Variants in OPRM1 observed in about 807,000 individuals in gnomAD.
The protein encoded by OPRM1 is mu-type opioid receptor.
A neutral mutation model predicts 31.8 loss-of-function variants in OPRM1; 27 were observed. The ratio of observed to expected loss-of-function variants is 0.85; its 90% CI spans 0.63 to 1.17. The LOEUF (loss-of-function observed/expected upper bound fraction) is 1.17, where lower values mean the gene tolerates loss of function less well. Ranked by LOEUF, OPRM1 falls within the 50% of genes most tolerant of loss-of-function variation. OPRM1 has a pLI of 0.00. For synonymous variants in OPRM1, 196 were observed against 189.9 expected (o/e 1.03, Z -0.26); for missense variants, 536 against 511.1 (o/e 1.05, Z -0.47).
At chr6:154,151,469 G>A (rs184768860) in intron 3 of OPRM1, among the ~76,000 whole-genome samples, 29 of 152,288 alleles carry the variant, frequency 1.9e-4, no homozygotes, top group East Asian at 7.7e-4. Context: ...TGTTGTGGCC[G>A]CCATGGTTGG....
At chr6:154,094,089 T>C (rs929201404) in intron 3 of OPRM1, 1 of 502,962 alleles carries the variant, frequency 2.0e-6, no homozygotes, top group Non-Finnish European at 3.4e-6. Flanking sequence ...ACTACTTGTT[T>C]GAAGTTTATA....
At position 154,086,974 on chromosome 6, in the gene OPRM1, GT is replaced by G. The variant is rs1340717176; in HGVS notation, c.291-2847del. 4.1e-6 allele frequency: 4 copies of G among 984,000 alleles called. No homozygotes were observed. The African/African-American group carries it at 7.0e-5, about 17-fold the overall frequency. 61.0% of individuals were successfully genotyped at this position (984,000 alleles called of 1,614,324 possible). On this transcript the variant is annotated intron_variant, in intron 1 of 3. Transcript: ENST00000330432. ...CAGTTTTAATTTTGCTTTTTTGTTGGTTTTTGTACTTTGGAGTATTTGTCTA... is the reference window on the plus strand; with the variant it reads ...CAGTTTTAATTTTGCTTTTTTGTTGGTTTTGTACTTTGGAGTATTTGTCTA...
chr6:154,035,425 C>T (rs2128390118), upstream of OPRM1, among the ~76,000 whole-genome samples: 1 of 152,230 alleles, frequency 6.6e-6, no homozygotes, highest in South Asian at 2.1e-4. Flanking sequence ...TTTGCATTCT[C>T]ATTAGCTATG....
At chr6:154,040,029 G>A (rs1352854615) in intron 1 of OPRM1, among the ~76,000 whole-genome samples, 195 bp downstream of exon 1, 1 of 152,050 alleles carries the variant, frequency 6.6e-6, no homozygotes, top group Non-Finnish European at 1.5e-5. Flanking sequence ...TTCTTCAACT[G>A]ATAAAGAAAG....
chr6:154,153,308 G>C (rs1798592124), intron 3 of OPRM1, among the ~76,000 whole-genome samples: 1 of 152,080 alleles, frequency 6.6e-6, no homozygotes, highest in African/African-American at 2.4e-5. Context: ...TAACAAAGGG[G>C]AATTTAGGCT....
In OPRM1 at chr6:154,099,329, A is replaced by AAGGG. The variant is rs1554274930; in HGVS notation, c.1164+7865_1164+7868dup. Among the ~76,000 whole-genome samples, 42 of 119,462 alleles carry AAGGG rather than the reference A, an allele frequency of 3.5e-4. 1 individual carries two copies. Among genetic ancestry groups the AAGGG allele is most frequent in the East Asian group, 5.6e-4 (2 of 3,598 alleles). The allele number at this position is 119,462 out of a possible 152,430, so 78.4% of individuals were successfully genotyped here. The stretch of plus-strand genomic sequence containing the variant: ...GAAGAAAGGAAGGAAGGAAGGAAGG[A>AAGGG]AGGGAGGGAGGAAGAGAGCGAGAGA... On this transcript the variant is annotated intron_variant, in intron 3 of 3. Coordinates refer to ENST00000330432, the MANE Select transcript of OPRM1 (RefSeq NM_000914.5).
chr6:154,024,609 C>T (rs1778578182), intron 1 of OPRM1, among the ~76,000 whole-genome samples: 1 of 147,886 alleles, frequency 6.8e-6, no homozygotes. Flanking sequence ...TTTTGTTTTC[C>T]TAATTCTTTA....
At chr6:154,145,799 C>T (rs1307790341) in intron 3 of OPRM1, among the ~76,000 whole-genome samples, 2 of 152,178 alleles carry the variant, frequency 1.3e-5, no homozygotes, top group Admixed American at 1.3e-4. Flanking sequence ...ATCAAATGAA[C>T]AGAGATAGAA....
At chr6:154,042,539 G>A (rs1460311878) in intron 1 of OPRM1, among the ~76,000 whole-genome samples, 2 of 152,022 alleles carry the variant, frequency 1.3e-5, no homozygotes, top group African/African-American at 4.8e-5. Context: ...GATGACTATG[G>A]CAACAACAAC....
At chr6:154,183,301 G>A (rs753588445) in intron 3 of OPRM1, among the ~76,000 whole-genome samples, 36 of 152,230 alleles carry the variant, frequency 2.4e-4, no homozygotes, top group African/African-American at 5.1e-4. Flanking sequence ...TCAAGATGGC[G>A]CTCTCATTCA....
chr6:154,164,754 G>C lies in OPRM1; in HGVS notation c.1164+73282G>C, dbSNP rs145432829. 3.6e-3 allele frequency among the ~76,000 whole-genome samples: 541 copies of C among 152,292 alleles called. 2 individuals are homozygous for C. The highest frequency in any genetic ancestry group is 0.012 in the African/African-American group (492 of 41,558). On this transcript the variant is annotated intron_variant, in intron 3 of 3. Coordinates refer to the OPRM1 transcript ENST00000337049. ...GTGACATAGGTCAGAGTAACTCAGA[G>C]AGAGTTTCAGTTGGACCCATTAATC...
At position 154,140,567 on chromosome 6, in the gene OPRM1, T is replaced by G. The variant is rs567545683; in HGVS notation, c.1164+49095T>G. Among the ~76,000 whole-genome samples the G allele has an allele frequency of 7.9e-5, 12 of 152,190 alleles. No individual in the cohort carries two copies. In the South Asian group the frequency reaches 1.0e-3, roughly 13 times the overall value. ...CTGGTCTCAAATTCCTGACTTCAGG[T>G]GATCCGCCCGCCTCAACCTCCCAAA... On this transcript the variant is annotated intron_variant, in intron 3 of 3. Transcript: ENST00000337049.
rs143525307 is a variant in OPRM1, at chr6:154,118,848, C to A, written c.*127C>A. On this transcript the variant is annotated 3_prime_UTR_variant, in exon 4 of 4. Coordinates refer to ENST00000330432, the MANE Select transcript of OPRM1 (RefSeq NM_000914.5). ...AAGTGCCTGCTTTTAGGTCATCCAACCTCTTTCCTCTCTGGCCACTCTGCT... is the reference window on the plus strand; with the variant it reads ...AAGTGCCTGCTTTTAGGTCATCCAAACTCTTTCCTCTCTGGCCACTCTGCT... The A allele has an allele frequency of 1.5e-4, 234 of 1,512,514 alleles. No homozygotes were observed. The African/African-American group carries it at 2.9e-3, about 19-fold the overall frequency. The allele number at this position is 1,512,514 out of a possible 1,614,324, so 93.7% of individuals were successfully genotyped here.
chr6:154,088,979 G>A (rs9479756), intron 1 of OPRM1, among the ~76,000 whole-genome samples: 15,391 of 152,058 alleles, frequency 0.1, 863 homozygotes, highest in African/African-American at 0.13. Flanking sequence ...TCCTGCTTGT[G>A]CTTTGAGATT....
chr6:154,075,457 T>TA (rs1787675589), intron 1 of OPRM1, among the ~76,000 whole-genome samples: 1 of 148,942 alleles, frequency 6.7e-6, no homozygotes, highest in South Asian at 2.1e-4. Flanking sequence ...AAGCACTTTT[T>TA]TTTTTTTTTT....
chr6:154,086,517 C>T, intron 1 of OPRM1: 5 of 940,316 alleles, frequency 5.3e-6, no homozygotes, highest in Non-Finnish European at 6.3e-6. Flanking sequence ...GGCTAGCATG[C>T]TAATTAACTA....
intron 3 of OPRM1, among the ~76,000 whole-genome samples, chr6:154,188,079 T>C (rs1035865340): frequency 3.3e-5 from 5 of 152,182 alleles, no homozygotes; most frequent in Non-Finnish European, 5.9e-5. Context: ...AGCAAAACCA[T>C]TATCATTTGT....
At chr6:154,148,483 A>ACCATG (rs750770213) in intron 3 of OPRM1, among the ~76,000 whole-genome samples, 136 of 152,328 alleles carry the variant, frequency 8.9e-4, no homozygotes, top group Admixed American at 3.0e-3. Context: ...CATCTCTGCC[A>ACCATG]CCATGTCTTC....
At chr6:154,063,277 G>C (rs984199170) in intron 1 of OPRM1, among the ~76,000 whole-genome samples, 2 of 151,776 alleles carry the variant, frequency 1.3e-5, no homozygotes, top group Non-Finnish European at 2.9e-5. Context: ...ACATCAGTTC[G>C]CACAAACCCC....
Sources: allele counts gnomAD v4.1 joint callset (sites outside exome capture counted in the v4.1 genomes callset), GRCh38; gene constraint gnomAD v4.1.1; transcripts MANE v1.5; gene names NCBI Gene and HGNC (gene_info 2026-07-23, HGNC 2026-07-21).